ZNF536: variants seen among roughly 807,000 people sequenced by gnomAD.
ZNF536 encodes the protein zinc finger protein 536.
ZNF536 carries 13 observed loss-of-function variants against 84.5 expected under a neutral mutation model. The observed-to-expected ratio is 0.15, with a 90% confidence interval of 0.10 to 0.24. ZNF536 has a LOEUF of 0.24. ZNF536 is among the 10% of genes least tolerant of loss of function. The probability of loss-of-function intolerance (pLI) is 1.00; values close to 1 mark genes in which losing one functional copy is unlikely to be tolerated. For synonymous variants in ZNF536, 811 were observed against 742.5 expected, an observed-to-expected ratio of 1.09 and a Z score of -1.50; for missense variants, 1,536 against 1,747.5, an observed-to-expected ratio of 0.88 and a Z score of 2.16.
chr19:30,693,106 G>A (rs1354307025), intron 1 of ZNF536, among the ~76,000 whole-genome samples: 1 of 151,830 alleles, frequency 6.6e-6, no homozygotes, highest in African/African-American at 2.4e-5. Context: ...GCACATGGTC[G>A]CTTGTCCCTA....
intron 1 of ZNF536, among the ~76,000 whole-genome samples, chr19:30,231,453 T>A (rs922816216): frequency 1.3e-5 from 2 of 152,212 alleles, no homozygotes; most frequent in African/African-American, 4.8e-5. Flanking sequence ...ACACCTGCTG[T>A]GCACACTGGC....
chr19:30,635,100 GCCCCA>G, intron 1 of ZNF536, among the ~76,000 whole-genome samples: 1 of 152,186 alleles, frequency 6.6e-6, no homozygotes, highest in East Asian at 1.9e-4. Flanking sequence ...GTATGCGCGT[GCCCCA>G]CACGCGCATG....
At chr19:30,228,252 A>T (rs558585051), upstream of ZNF536, 2 of 151,990 alleles carry the variant, frequency 1.3e-5, no homozygotes, top group Non-Finnish European at 2.9e-5. This position sits in a 1 kb window ranked among gnomAD's most constrained non-coding sequence, Gnocchi z 4.5. Context: ...CGACTTAAAG[A>T]GACGAAAGAG....
At position 30,606,266 on chromosome 19, in the gene ZNF536, TAA is replaced by T. The variant is rs796695393; in HGVS notation, c.169+56755_169+56756del. On this transcript the variant is annotated intron_variant, in intron 1 of 1. Coordinates refer to the ZNF536 transcript ENST00000592773. ...ATAAAATAAAATAAATAAAATAAAA[TAA>T]AATAAAATAAAATAAAATAAAATAA... Among the ~76,000 whole-genome samples the T allele has an allele frequency of 6.9e-3, 382 of 55,548 alleles. 2 individuals carry two copies. The highest frequency in any genetic ancestry group is 0.024 in the African/African-American group (352 of 14,588). The allele number at this position is 55,548 out of a possible 152,430, so 36.4% of individuals were successfully genotyped here. A position where few individuals can be genotyped will look rare whatever the true frequency, so the allele number is the denominator to read the frequency against.
At chr19:30,491,403 G>C (rs773240336) in intron 2 of ZNF536, among the ~76,000 whole-genome samples, 6 of 152,152 alleles carry the variant, frequency 3.9e-5, no homozygotes, top group Non-Finnish European at 8.8e-5. Context: ...TGACACCACA[G>C]TGTGTGTTGT....
intron 2 of ZNF536, among the ~76,000 whole-genome samples, chr19:30,337,138 C>T (rs1451241746): frequency 6.6e-6 from 1 of 152,082 alleles, no homozygotes; most frequent in Non-Finnish European, 1.5e-5. Context: ...TAGTCACTTT[C>T]CTACTACTCA....
intron 3 of ZNF536, among the ~76,000 whole-genome samples, chr19:30,539,976 C>A (rs2045263904): frequency 6.6e-6 from 1 of 152,180 alleles, no homozygotes; most frequent in Non-Finnish European, 1.5e-5. Context: ...AGTTCAGGGA[C>A]TAATTAAAAA....
intron 2 of ZNF536, among the ~76,000 whole-genome samples, chr19:30,307,935 G>C (rs1175660092): frequency 6.6e-6 from 1 of 152,170 alleles, no homozygotes; most frequent in Non-Finnish European, 1.5e-5. Flanking sequence ...AACCTTCCTG[G>C]GTGGCTTTCG....
At chr19:30,252,993 T>C (rs1327070254) in intron 1 of ZNF536, among the ~76,000 whole-genome samples, 1 of 152,236 alleles carries the variant, frequency 6.6e-6, no homozygotes, top group Non-Finnish European at 1.5e-5. Flanking sequence ...ATGATGGTGA[T>C]GGTGATGGTG....
intron 1 of ZNF536, among the ~76,000 whole-genome samples, chr19:30,607,462 A>G (rs1025779291): frequency 1.3e-5 from 2 of 152,042 alleles, no homozygotes; most frequent in Admixed American, 1.3e-4. Context: ...TCTCATGCCT[A>G]TAATTCCAGC....
chr19:30,362,943 C>T (rs1012894660), intron 3 of ZNF536, among the ~76,000 whole-genome samples: 2 of 152,066 alleles, frequency 1.3e-5, no homozygotes, highest in African/African-American at 4.8e-5. Context: ...CCTGTAGTCT[C>T]AGCTACTTGG....
chr19:30,710,098 T>A (rs2052403751), intron 1 of ZNF536, among the ~76,000 whole-genome samples: 1 of 152,254 alleles, frequency 6.6e-6, no homozygotes, highest in Non-Finnish European at 1.5e-5. Context: ...GGAATATTTG[T>A]TTCCTGTCTT....
At chr19:30,285,177 G>A (rs1176677490) in intron 2 of ZNF536, among the ~76,000 whole-genome samples, 3 of 152,166 alleles carry the variant, frequency 2.0e-5, no homozygotes, top group South Asian at 2.1e-4. Context: ...ACCCTATTCC[G>A]ATCTACCAAA....
intron 2 of ZNF536, among the ~76,000 whole-genome samples, chr19:30,484,655 A>G (rs1001095748): frequency 1.4e-5 from 2 of 145,356 alleles, no homozygotes; most frequent in South Asian, 2.2e-4. Flanking sequence ...CAAGTAGCGC[A>G]CTTTCTTTTT....
intron 2 of ZNF536, among the ~76,000 whole-genome samples, chr19:30,479,498 C>T (rs922276098): frequency 2.0e-5 from 3 of 152,232 alleles, no homozygotes; most frequent in Non-Finnish European, 4.4e-5. Context: ...GCTGCTGTTT[C>T]GACTACAGAC....
chr19:30,676,317 C>T (rs78736380), intron 1 of ZNF536, among the ~76,000 whole-genome samples: 147 of 152,300 alleles, frequency 9.7e-4, no homozygotes, highest in African/African-American at 3.5e-3. Context: ...CTGAACTGTG[C>T]CCATTGAGAG....
intron 2 of ZNF536, among the ~76,000 whole-genome samples, chr19:30,519,244 A>C (rs2044219925): frequency 6.6e-6 from 1 of 152,234 alleles, no homozygotes; most frequent in Non-Finnish European, 1.5e-5. Context: ...CCCAAGAGCC[A>C]CCAGCCTTGC....
At chr19:30,404,495 C>T (rs776860176) in intron 1 of ZNF536, among the ~76,000 whole-genome samples, 1 of 152,146 alleles carries the variant, frequency 6.6e-6, no homozygotes, top group Non-Finnish European at 1.5e-5. Flanking sequence ...GTTATTTAAC[C>T]TCTCTGTGCC....
At chr19:30,281,619 C>T (rs1244657026) in intron 1 of ZNF536, among the ~76,000 whole-genome samples, 1 of 152,180 alleles carries the variant, frequency 6.6e-6, no homozygotes, top group Non-Finnish European at 1.5e-5. Flanking sequence ...AACAGGCCTC[C>T]TAAGCTCATC....
Sources: allele counts gnomAD v4.1 joint callset (sites outside exome capture counted in the v4.1 genomes callset), GRCh38; gene constraint gnomAD v4.1.1; non-coding constraint Gnocchi (gnomAD v3.1); transcripts MANE v1.5; gene names NCBI Gene and HGNC (gene_info 2026-07-23, HGNC 2026-07-21).